The following NUFIP2 variants were observed in gnomAD, a reference collection of about 807,000 sequenced individuals.
NUFIP2 encodes the protein nuclear FMR1 interacting protein 2.
NUFIP2 carries 6 observed loss-of-function variants against 56.9 expected under a neutral mutation model. The ratio of observed to expected loss-of-function variants is 0.11; its 90% confidence interval spans 0.06 to 0.21. The LOEUF (loss-of-function observed/expected upper bound fraction) is 0.21, where lower values mean the gene tolerates loss of function less well. Among genes scored for constraint, NUFIP2 ranks in the 10% least tolerant of loss-of-function variants. The pLI is 1.00. For missense variants in NUFIP2, 828 were observed against 826.8 expected, an observed-to-expected ratio of 1.00 and a Z score of -0.02; for synonymous variants, 321 against 298.2, an observed-to-expected ratio of 1.08 and a Z score of -0.79.
chr17:29,267,578 T>TACATA, intron 2 of NUFIP2, 48 bp from the exon 3 acceptor site: 2 of 1,111,680 alleles, frequency 1.8e-6, no homozygotes, highest in East Asian at 2.5e-5. Flanking sequence ...GTGAGCAAAG[T>TACATA]CTGAAGCGAT....
rs186520264 is a variant in NUFIP2, at chr17:29,282,241, C to T, written c.2002+3751G>A. Among the ~76,000 whole-genome samples the T allele has an allele frequency of 1.2e-4, 19 of 152,108 alleles. No homozygotes were observed. In the South Asian group the frequency reaches 1.9e-3, roughly 15 times the overall value. ...CCGCCATGCACTTGGACTTCCCAGC[C>T]GCCAAAACCTTGAGTCAAATAAACA... is the stretch of plus-strand genomic sequence containing the variant. On this transcript the variant is annotated intron_variant, in intron 2 of 3. Transcript: ENST00000225388.
In NUFIP2 at chr17:29,261,685, G is replaced by GAGAA. The variant is rs1282829158; in HGVS notation, c.*2850_*2853dup. The GAGAA allele has an allele frequency of 2.0e-5, 3 of 152,462 alleles. No individual in the cohort carries two copies. The highest frequency in any genetic ancestry group is 4.4e-5 in the Non-Finnish European group (3 of 67,994). The allele number at this position is 152,462 out of a possible 1,614,324, so 9.4% of individuals were successfully genotyped here. On this transcript the variant is annotated 3_prime_UTR_variant, in exon 4 of 4. Coordinates refer to ENST00000225388, the MANE Select transcript of NUFIP2 (RefSeq NM_020772.3). ...GTAAGGAATTGTGTGAGGACCTAAG[G>GAGAA]AGAAAGATTGCAACAAATAGAGTTA...
intron 2 of NUFIP2, among the ~76,000 whole-genome samples, chr17:29,284,037 G>A (rs1470811894): frequency 1.3e-5 from 2 of 152,218 alleles, no homozygotes; most frequent in East Asian, 1.9e-4. Flanking sequence ...AATTTGCTTA[G>A]AAGTCACAAA....
chr17:29,278,278 G>A (rs925453673), intron 2 of NUFIP2, among the ~76,000 whole-genome samples: 8 of 150,716 alleles, frequency 5.3e-5, no homozygotes, highest in Admixed American at 3.3e-4. Context: ...ACAGAGTCTC[G>A]CTCTGTCCCC....
intron 2 of NUFIP2, among the ~76,000 whole-genome samples, chr17:29,272,103 G>GGGGAA (rs1377882861): frequency 6.8e-6 from 1 of 146,802 alleles, no homozygotes; most frequent in Non-Finnish European, 1.5e-5. Flanking sequence ...GGGGAGGGGA[G>GGGGAA]GGGAGAAGAG....
chr17:29,276,553 G>T (rs2069109721), intron 2 of NUFIP2, among the ~76,000 whole-genome samples: 1 of 152,232 alleles, frequency 6.6e-6, no homozygotes, highest in African/African-American at 2.4e-5. Flanking sequence ...GGCCAGGGTG[G>T]TCTCTAACTC....
chr17:29,284,723 A>AAG (rs2069161736), intron 2 of NUFIP2, among the ~76,000 whole-genome samples: 1 of 150,666 alleles, frequency 6.6e-6, no homozygotes, highest in Admixed American at 6.6e-5. Context: ...AAAAAAAAAA[A>AAG]AAAAGAAAAA....
chr17:29,287,988 G>A (rs944292743), intron 1 of NUFIP2, among the ~76,000 whole-genome samples: 3 of 152,172 alleles, frequency 2.0e-5, no homozygotes, highest in African/African-American at 7.2e-5. Flanking sequence ...TAAGCAGTAT[G>A]CCAAATACCT....
Position 29,258,617 on chromosome 17 carries a change from G to A in NUFIP2, c.*5922C>T, listed in dbSNP as rs2068984262. 1 of 152,116 alleles carries A rather than the reference G, an allele frequency of 6.6e-6. No individual in the cohort carries two copies. Among genetic ancestry groups the A allele is most frequent in the Non-Finnish European group, 1.5e-5 (1 of 68,010 alleles). 9.4% of individuals were successfully genotyped at this position (152,116 alleles called of 1,614,324 possible). A position where few individuals can be genotyped will look rare whatever the true frequency, so the allele number is the denominator to read the frequency against. On this transcript the variant is annotated 3_prime_UTR_variant, in exon 4 of 4. Transcript: ENST00000225388. ...ATTTTCAGTAGTAGAAGACATTTAA[G>A]GCCAAAAAGTGTACTATTAACAGAA...
chr17:29,289,011 C>A (rs1015434827), intron 1 of NUFIP2, among the ~76,000 whole-genome samples: 5 of 152,010 alleles, frequency 3.3e-5, no homozygotes, highest in African/African-American at 9.7e-5. Context: ...GGGCGTGGGG[C>A]ATGTGCCTAT....
Position 29,286,840 on chromosome 17 carries a change from G to A in NUFIP2, c.1154C>T (p.Ser385Leu). The change falls in exon 2 of 4, where the codon TCA becomes TTA. Residue 385 changes from serine (S) to leucine (L), a missense_variant. Coordinates refer to ENST00000225388, the MANE Select transcript of NUFIP2 (RefSeq NM_020772.3). Reference sequence around the variant, plus strand: ...TTGGGTCTGAGTTTCCCCGGTAGATGATGAAGATGATGAAGATGAAGTTGG... The same window carrying A: ...TTGGGTCTGAGTTTCCCCGGTAGATAATGAAGATGATGAAGATGAAGTTGG... The part of the protein sequence containing the change: ...VSPTSSSSSS[S>L]STGETQTQSS... 1 of 1,613,906 alleles carries A rather than the reference G, an allele frequency of 6.2e-7. No homozygotes were observed. Among genetic ancestry groups the A allele is most frequent in the Non-Finnish European group, 8.5e-7 (1 of 1,179,886 alleles).
At chr17:29,282,987 C>T (rs566638256) in intron 2 of NUFIP2, among the ~76,000 whole-genome samples, 15 of 152,322 alleles carry the variant, frequency 9.8e-5, no homozygotes, top group Admixed American at 8.5e-4. Flanking sequence ...GAACTTGCTA[C>T]TCTGGAACCC....
chr17:29,283,771 CAT>C (rs772499006), intron 2 of NUFIP2, among the ~76,000 whole-genome samples: 48 of 152,290 alleles, frequency 3.2e-4, no homozygotes, highest in African/African-American at 8.7e-4. Context: ...ATGTATAACA[CAT>C]GTCTTAAAAA....
Position 29,267,502 on chromosome 17 carries a change from C to T in NUFIP2, c.2031G>A (p.Lys677=), listed in dbSNP as rs751039392. The change falls in exon 3 of 4, where the codon AAG becomes AAA. Residue 677 remains lysine (K), a synonymous_variant. Transcript: ENST00000225388. The stretch of plus-strand genomic sequence containing the variant: ...AAGTAATCTAATCATTCTTACCTTG[C>T]TTCTGCAAATTCCAAATAGATTCCA... The part of the protein sequence containing the change: ...KEMESIWNLQ[K]QDPKRIITYN... 5.2e-6 allele frequency: 8 copies of T among 1,527,774 alleles called. No individual in the cohort carries two copies. The East Asian group carries it at 1.4e-4, about 27-fold the overall frequency. 94.6% of individuals were successfully genotyped at this position (1,527,774 alleles called of 1,614,324 possible). A position where few individuals can be genotyped will look rare whatever the true frequency, so the allele number is the denominator to read the frequency against.
chr17:29,270,436 T>A (rs542161162), intron 2 of NUFIP2, among the ~76,000 whole-genome samples: 1 of 152,160 alleles, frequency 6.6e-6, no homozygotes, highest in South Asian at 2.1e-4. Context: ...AACAGTTAAA[T>A]GTTCTTTATT....
chr17:29,290,325 A>C (rs935824032), intron 1 of NUFIP2, among the ~76,000 whole-genome samples: 5 of 152,132 alleles, frequency 3.3e-5, no homozygotes, highest in African/African-American at 1.2e-4. Flanking sequence ...ACAGCAAGAA[A>C]GAGATTATTG....
In NUFIP2 at chr17:29,294,113, T is replaced by G. The variant is rs1039948435; in HGVS notation, c.-54A>C. ...GCTGCGGGCTGCTGCACCGTCAGGA[T>G]CTGAGACTGCTTCTCAGGGCTCACT... On this transcript the variant is annotated 5_prime_UTR_variant, in exon 1 of 4. Transcript: ENST00000225388. 1.1e-4 allele frequency: 174 copies of G among 1,542,138 alleles called. No individual in the cohort carries two copies. The highest frequency in any genetic ancestry group is 1.2e-4 in the Non-Finnish European group (139 of 1,144,314).
chr17:29,283,872 A>T (rs907076099), intron 2 of NUFIP2, among the ~76,000 whole-genome samples: 2 of 152,234 alleles, frequency 1.3e-5, no homozygotes, highest in African/African-American at 4.8e-5. Flanking sequence ...GAATAAGTGA[A>T]ATCAGGTAAA....
intron 2 of NUFIP2, among the ~76,000 whole-genome samples, chr17:29,272,462 G>T (rs549764469): frequency 6.6e-6 from 1 of 152,030 alleles, no homozygotes; most frequent in African/African-American, 2.4e-5. Flanking sequence ...GGATGGTCTC[G>T]ATCTCCTGAC....
Sources: allele counts gnomAD v4.1 joint callset (sites outside exome capture counted in the v4.1 genomes callset), GRCh38; gene constraint gnomAD v4.1.1; transcripts MANE v1.5; gene names NCBI Gene and HGNC (gene_info 2026-07-23, HGNC 2026-07-21).